TRAF5: variants seen among roughly 807,000 people sequenced by gnomAD.
The protein encoded by TRAF5 is TNF receptor-associated factor 5.
Under a neutral mutation model 64.5 loss-of-function variants are expected in TRAF5, and 48 were observed. That is an observed-to-expected ratio of 0.74 (90% CI 0.59 to 0.95). The LOEUF (loss-of-function observed/expected upper bound fraction) is 0.95. Among genes scored for constraint, TRAF5 ranks in the 40% least tolerant of loss-of-function variants. The probability of loss-of-function intolerance (pLI) is 0.00; values close to 1 mark genes in which losing one functional copy is unlikely to be tolerated. For synonymous variants in TRAF5, 206 were observed against 240.5 expected (o/e 0.86, Z 1.33); for missense variants, 545 against 662.8 (o/e 0.82, Z 1.95).
chr1:211,345,700 C>T (rs1702587393), intron 1 of TRAF5, among the ~76,000 whole-genome samples: 1 of 152,228 alleles, frequency 6.6e-6, no homozygotes. Flanking sequence ...CCAGCAAGAC[C>T]TGAGCAGAGC....
At chr1:211,370,408 C>CAT (rs913901334) in intron 9 of TRAF5, among the ~76,000 whole-genome samples, 1 of 151,680 alleles carries the variant, frequency 6.6e-6, no homozygotes, top group African/African-American at 2.4e-5. Flanking sequence ...CACACACACA[C>CAT]ACACCCTTCA....
At chr1:211,370,552 C>T (rs1048539301) in intron 9 of TRAF5, among the ~76,000 whole-genome samples, 2 of 152,108 alleles carry the variant, frequency 1.3e-5, no homozygotes, top group East Asian at 1.9e-4. Context: ...TTGAAAATAT[C>T]GTAAGTCAAA....
chr1:211,327,144 G>A (rs1468521238), intron 1 of TRAF5, among the ~76,000 whole-genome samples: 1 of 152,098 alleles, frequency 6.6e-6, no homozygotes, highest in African/African-American at 2.4e-5. Context: ...GGTGCGGAGC[G>A]GGTTTCTTAG....
At chr1:211,366,642 G>A (rs1297269261) in intron 8 of TRAF5, among the ~76,000 whole-genome samples, 1 of 152,126 alleles carries the variant, frequency 6.6e-6, no homozygotes, top group Non-Finnish European at 1.5e-5. Flanking sequence ...AAAATGTTGT[G>A]GAAGAAGGAC....
chr1:211,354,559 C>T lies in TRAF5; in HGVS notation c.276+92C>T, dbSNP rs983147270. 2.8e-5 allele frequency: 36 copies of T among 1,283,864 alleles called. 1 individual carries two copies. Among genetic ancestry groups the T allele is most frequent in the African/African-American group, 2.9e-5 (2 of 67,934 alleles). 79.5% of individuals were successfully genotyped at this position (1,283,864 alleles called of 1,614,324 possible). A position where few individuals can be genotyped will look rare whatever the true frequency, so the allele number is the denominator to read the frequency against. On this transcript the variant is annotated intron_variant, in intron 3 of 10. Transcript: ENST00000261464. ...ATTGAGATAGGAGCAGGAGAGTGGTCGAGGGAGACCTTCCTTGGAGTCCAT... is the reference window on the plus strand; with the variant it reads ...ATTGAGATAGGAGCAGGAGAGTGGTTGAGGGAGACCTTCCTTGGAGTCCAT...
chr1:211,370,216 A>G (rs917806970), intron 9 of TRAF5, among the ~76,000 whole-genome samples: 4 of 152,182 alleles, frequency 2.6e-5, no homozygotes, highest in Admixed American at 6.5e-5. Context: ...ACATTAAATA[A>G]CCATAAATGA....
intron 3 of TRAF5, among the ~76,000 whole-genome samples, chr1:211,354,949 G>A (rs886226887): frequency 1.3e-5 from 2 of 152,140 alleles, no homozygotes; most frequent in Non-Finnish European, 2.9e-5. Flanking sequence ...GAGGCAGGCA[G>A]ATCACATGAG....
In TRAF5 at chr1:211,374,853, C is replaced by T. The variant is rs1309516619; in HGVS notation, c.*2151C>T. 6.6e-6 allele frequency: 1 copy of T among 152,124 alleles called. No homozygotes were observed. 9.4% of individuals were successfully genotyped at this position (152,124 alleles called of 1,614,324 possible). A position where few individuals can be genotyped will look rare whatever the true frequency, so the allele number is the denominator to read the frequency against. ...ATAAAGTATGTCATGGCATGGTTTG[C>T]TTAGGAGTTCAGAGTTCCTTCATCA... On this transcript the variant is annotated 3_prime_UTR_variant, in exon 11 of 11. Transcript: ENST00000261464.
chr1:211,366,817 G>C (rs1434076722), intron 8 of TRAF5, among the ~76,000 whole-genome samples: 1 of 152,182 alleles, frequency 6.6e-6, no homozygotes, highest in Non-Finnish European at 1.5e-5. Context: ...AGCCTAAGAA[G>C]TTTTGAACAC....
At chr1:211,344,786 G>A (rs1057306964) in intron 1 of TRAF5, among the ~76,000 whole-genome samples, 3 of 151,942 alleles carry the variant, frequency 2.0e-5, no homozygotes, top group African/African-American at 7.3e-5. Context: ...TTTCTCTGTC[G>A]CCCAGGGTGG....
rs547591638 is a variant in TRAF5 at position 211,330,289 on chromosome 1, A to T, written c.-2+3400A>T. On this transcript the variant is annotated intron_variant, in intron 1 of 10. Transcript: ENST00000261464. ...TCTCACTTACTTTCAGCAGAGCCCC[A>T]TGTCTCATTTCTTGACACCACAGGC... Among the ~76,000 whole-genome samples, 248 of 151,844 alleles carry T rather than the reference A, an allele frequency of 1.6e-3. 2 individuals carry two copies. The highest frequency in any genetic ancestry group is 2.9e-3 in the Non-Finnish European group (195 of 67,970).
rs1703610881 is a variant in TRAF5, at chr1:211,373,756, A to G, written c.*1054A>G. 1 of 151,928 alleles carries G rather than the reference A, an allele frequency of 6.6e-6. No individual in the cohort carries two copies. The highest frequency in any genetic ancestry group is 2.4e-5 in the African/African-American group (1 of 41,384). The allele number at this position is 151,928 out of a possible 1,614,324, so 9.4% of individuals were successfully genotyped here. The stretch of plus-strand genomic sequence containing the variant: ...ATTCTCTGATAACTTTTTTTTTGAG[A>G]CAGAGTTTCATTGTCACCCAGGCTG... On this transcript the variant is annotated 3_prime_UTR_variant, in exon 11 of 11. Transcript: ENST00000261464.
chr1:211,374,068 A>C lies in TRAF5; in HGVS notation c.*1366A>C, dbSNP rs531595678. On this transcript the variant is annotated 3_prime_UTR_variant, in exon 11 of 11. Transcript: ENST00000261464. ...ATTGAATTTGTAAGCTGCTATGCAA[A>C]TGGGCATTTATATAAACTTGTGATG... The C allele has an allele frequency of 6.6e-6, 1 of 152,166 alleles. No individual in the cohort carries two copies. The highest frequency in any genetic ancestry group is 1.5e-5 in the Non-Finnish European group (1 of 68,038). 9.4% of individuals were successfully genotyped at this position (152,166 alleles called of 1,614,324 possible).
At chr1:211,360,917 C>A in intron 6 of TRAF5, 138 bp downstream of exon 6, 1 of 994,002 alleles carries the variant, frequency 1.0e-6, no homozygotes, top group East Asian at 2.5e-5. Context: ...ATCTGTCTTC[C>A]CTTCTCTTTT....
At chr1:211,354,085 C>T (rs1000854590) in intron 2 of TRAF5, among the ~76,000 whole-genome samples, 1 of 152,186 alleles carries the variant, frequency 6.6e-6, no homozygotes, top group East Asian at 1.9e-4. Flanking sequence ...GGAACAGGAC[C>T]CCATGTCTGC....
chr1:211,358,828 T>C (rs947638551), intron 4 of TRAF5: 1 of 148,260 alleles, frequency 6.7e-6, no homozygotes. Flanking sequence ...TTACATATAA[T>C]ATATTAAATA....
chr1:211,356,745 G>A, intron 4 of TRAF5: 1 of 314,882 alleles, frequency 3.2e-6, no homozygotes, highest in Admixed American at 4.6e-5. Flanking sequence ...CAAAAGAGAG[G>A]GCGTGGGACA....
rs1051278632 is a variant in TRAF5, at chr1:211,354,411, G to A, written c.220G>A (p.Glu74Lys). The A allele has an allele frequency of 5.0e-6, 8 of 1,613,878 alleles. No homozygotes were observed. In the Admixed American group the frequency reaches 8.3e-5, roughly 17 times the overall value. ...FCQHCILSLR[E>K]LNTVPICPVD... The stretch of plus-strand genomic sequence containing the variant: ...CTCCATTTTAATTTTTTTCTCCAGA[G>A]AATTAAACACAGTGCCAATCTGCCC... Residue 74 changes from glutamate (E) to lysine (K), a missense_variant and splice_region_variant, in exon 3 of 11, where the codon GAA becomes AAA. By Grantham distance (56) the Glu-to-Lys change is moderately conservative. Coordinates refer to ENST00000261464, the MANE Select transcript of TRAF5 (RefSeq NM_001033910.3).
chr1:211,327,060 G>A (rs986690498), intron 1 of TRAF5, among the ~76,000 whole-genome samples, 171 bp downstream of exon 1: 68 of 152,154 alleles, frequency 4.5e-4, no homozygotes, highest in African/African-American at 1.6e-3. Flanking sequence ...CTGGGCCGGG[G>A]GAGGCGGAGG....
Sources: gnomAD v4.1 joint callset for allele counts (sites outside exome capture counted in the v4.1 genomes callset) on GRCh38, gnomAD v4.1.1 for gene constraint, MANE v1.5 for transcripts, NCBI Gene and HGNC (gene_info 2026-07-23, HGNC 2026-07-21) for gene names.